The following WNK3 variants were observed in gnomAD, a reference collection of about 807,000 sequenced individuals.
WNK3 encodes serine/threonine-protein kinase WNK3.
In WNK3, 18 loss-of-function variants were observed where a neutral mutation model predicts 116.7. That is an observed-to-expected ratio of 0.15 (90% CI 0.11 to 0.23). WNK3 has a LOEUF of 0.23. WNK3 is among the 10% of genes least tolerant of loss of function. The probability of loss-of-function intolerance (pLI) is 1.00; values close to 1 mark genes in which losing one functional copy is unlikely to be tolerated. For missense variants in WNK3, 993 were observed against 1,323.8 expected (o/e 0.75, Z 3.88); for synonymous variants, 404 against 469.4 (o/e 0.86, Z 1.80).
At chrX:54,347,485 C>CA (rs1341608752) in intron 1 of WNK3, among the ~76,000 whole-genome samples, 1 of 108,836 alleles carries the variant, frequency 9.2e-6, no homozygotes, top group Non-Finnish European at 1.9e-5. Context: ...GACTCCATCT[C>CA]AAAAAATAAA....
intron 2 of WNK3, among the ~76,000 whole-genome samples, chrX:54,318,789 T>C (rs2068993907): frequency 9.0e-6 from 1 of 110,763 alleles, no homozygotes; most frequent in Admixed American, 9.7e-5. Context: ...TCTTTTCTTT[T>C]TTTTTTGAGA....
chrX:54,283,739 A>C (rs917494543), intron 10 of WNK3, among the ~76,000 whole-genome samples: 60 of 99,910 alleles, frequency 6.0e-4, no homozygotes, highest in South Asian at 2.1e-3. Flanking sequence ...ACTGCACTCC[A>C]GCCTGGGCGA....
chrX:54,265,006 G>A (rs782212172), intron 10 of WNK3, among the ~76,000 whole-genome samples: 1 of 111,133 alleles, frequency 9.0e-6, no homozygotes, highest in African/African-American at 3.3e-5. Context: ...CCTGCATGTT[G>A]GAGATCATAG....
intron 10 of WNK3, among the ~76,000 whole-genome samples, chrX:54,286,536 A>G (rs962679206): frequency 9.9e-5 from 11 of 111,441 alleles, no homozygotes; most frequent in African/African-American, 3.3e-4. Flanking sequence ...GCCAAACAAT[A>G]AATTCAGTGT....
intron 10 of WNK3, among the ~76,000 whole-genome samples, chrX:54,279,391 C>A: frequency 9.0e-6 from 1 of 110,647 alleles, no homozygotes; most frequent in Non-Finnish European, 1.9e-5. Context: ...ACAGGGAGAC[C>A]CGTCTCTACA....
At chrX:54,340,566 G>A (rs1603401017) in intron 1 of WNK3, among the ~76,000 whole-genome samples, 2 of 109,122 alleles carry the variant, frequency 1.8e-5, no homozygotes, top group African/African-American at 3.3e-5. Context: ...AGCTGAGATC[G>A]CACCACTGCA....
chrX:54,244,297 T>C (rs1463687227), intron 17 of WNK3, among the ~76,000 whole-genome samples: 1 of 111,641 alleles, frequency 9.0e-6, no homozygotes, highest in Admixed American at 9.6e-5. Flanking sequence ...GAATAAACAA[T>C]AAAGAGAATA....
intron 5 of WNK3, among the ~76,000 whole-genome samples, chrX:54,303,160 A>G (rs1198053695): frequency 9.2e-6 from 1 of 108,204 alleles, no homozygotes; most frequent in East Asian, 2.9e-4. Flanking sequence ...ATGGGTATAT[A>G]TGTATATATA....
intron 22 of WNK3, among the ~76,000 whole-genome samples, chrX:54,226,496 A>G (rs1389495164): frequency 2.2e-5 from 2 of 90,659 alleles, no homozygotes; most frequent in African/African-American, 3.9e-5. Flanking sequence ...AAAGAAGAAG[A>G]AAAAAAAAAA....
intron 7 of WNK3, among the ~76,000 whole-genome samples, chrX:54,297,148 G>A (rs1296954416): frequency 9.0e-6 from 1 of 111,193 alleles, no homozygotes; most frequent in Non-Finnish European, 1.9e-5. Flanking sequence ...CCTCTCCTGG[G>A]ACTCTTCACC....
rs1360784064 is a variant in WNK3, at chrX:54,215,129, A to C, written c.4871-12936T>G. Among the ~76,000 whole-genome samples the C allele has an allele frequency of 2.4e-3, 258 of 106,598 alleles. 2 individuals carry two copies. Among genetic ancestry groups the C allele is most frequent in the Non-Finnish European group, 4.2e-3 (215 of 51,597 alleles). The allele number at this position is 106,598 out of a possible 115,157, so 92.6% of individuals were successfully genotyped here. The stretch of plus-strand genomic sequence containing the variant: ...CAGACTCCATCTCAAAAAAAAAAAA[A>C]AAAAAAAAAACACCATCTCCAGTGC... On this transcript the variant is annotated intron_variant, in intron 22 of 23. Transcript: ENST00000354646.
chrX:54,305,928 G>A (rs1194086647), intron 5 of WNK3, among the ~76,000 whole-genome samples: 5 of 110,231 alleles, frequency 4.5e-5, no homozygotes, highest in African/African-American at 1.6e-4. Context: ...GGTGGTGCAC[G>A]CCTGTAATCC....
chrX:54,289,353 T>C (rs2068613946), intron 10 of WNK3, among the ~76,000 whole-genome samples: 1 of 110,505 alleles, frequency 9.0e-6, no homozygotes, highest in South Asian at 4.0e-4. Context: ...GCTGGGGACA[T>C]ATCACAAAGG....
chrX:54,289,242 A>G (rs1202366849), intron 10 of WNK3, among the ~76,000 whole-genome samples: 1 of 101,745 alleles, frequency 9.8e-6, no homozygotes, highest in Non-Finnish European at 2.0e-5. Flanking sequence ...GTGGTTGTAC[A>G]GTGTAAAGAG....
At chrX:54,239,382 T>C (rs1318181611) in intron 17 of WNK3, among the ~76,000 whole-genome samples, 1 of 110,931 alleles carries the variant, frequency 9.0e-6, no homozygotes, top group Non-Finnish European at 1.9e-5. Context: ...AGAAGATTAT[T>C]AATCTTCTAC....
chrX:54,291,992 T>C (rs1557165135), intron 10 of WNK3, among the ~76,000 whole-genome samples: 1 of 111,277 alleles, frequency 9.0e-6, no homozygotes, highest in Non-Finnish European at 1.9e-5. Flanking sequence ...AATGCAACCA[T>C]GCATCCAGAA....
chrX:54,238,487 A>C lies in WNK3; in HGVS notation c.3884-15T>G. On this transcript the variant is annotated splice_polypyrimidine_tract_variant and intron_variant, in intron 18 of 23. Coordinates refer to ENST00000354646, the Ensembl canonical transcript of WNK3. The stretch of plus-strand genomic sequence containing the variant: ...TTCTGTTTCCACTGCAAGTTTTGCC[A>C]AATTGTAAGTAAAAAAGAGAAAATT... 1 of 1,194,558 alleles carries C rather than the reference A, an allele frequency of 8.4e-7. No individual in the cohort carries two copies. The highest frequency in any genetic ancestry group is 1.1e-6 in the Non-Finnish European group (1 of 889,593).
chrX:54,317,816 T>G (rs1370391999), intron 2 of WNK3, among the ~76,000 whole-genome samples: 1 of 107,758 alleles, frequency 9.3e-6, no homozygotes, highest in South Asian at 4.4e-4. Context: ...TATTTTTTAG[T>G]AGAGACAGGG....
chrX:54,321,828 C>G (rs949982911), intron 2 of WNK3, among the ~76,000 whole-genome samples: 1 of 108,709 alleles, frequency 9.2e-6, no homozygotes, highest in Non-Finnish European at 1.9e-5. Flanking sequence ...GGCGTGGTAG[C>G]GCATGCCTAT....
Sources: allele counts gnomAD v4.1 joint callset (sites outside exome capture counted in the v4.1 genomes callset), GRCh38; gene constraint gnomAD v4.1.1; transcripts MANE v1.5; gene names NCBI Gene and HGNC (gene_info 2026-07-23, HGNC 2026-07-21).